SYTL5: variants seen among roughly 807,000 people sequenced by gnomAD.
SYTL5 encodes the protein synaptotagmin-like protein 5.
In SYTL5, 34 loss-of-function variants were observed where a neutral mutation model predicts 55.9. The observed-to-expected ratio is 0.61, with a 90% CI of 0.46 to 0.81. SYTL5 has a LOEUF of 0.81. SYTL5 is among the 30% of genes least tolerant of loss of function. The pLI, the probability that SYTL5 is intolerant of heterozygous loss-of-function variation, is 0.00. For missense variants in SYTL5, 637 were observed against 546.7 expected (o/e 1.17, Z -1.65); for synonymous variants, 221 against 188.7 (o/e 1.17, Z -1.40).
intron 2 of SYTL5, among the ~76,000 whole-genome samples, chrX:38,043,702 T>TATATATATATATATATAC (rs1336463479): frequency 1.1e-5 from 1 of 89,716 alleles, no homozygotes; most frequent in Non-Finnish European, 2.2e-5. Context: ...CATATATATA[T>TATATATATATATATATAC]ACATATTTTC....
chrX:38,101,922 T>C (rs1397778696), intron 9 of SYTL5, among the ~76,000 whole-genome samples: 1 of 109,705 alleles, frequency 9.1e-6, no homozygotes, highest in Non-Finnish European at 1.9e-5. Flanking sequence ...ATCTAGTTCA[T>C]CCTAGTGGAG....
At position 38,076,760 on chromosome X, in the gene SYTL5, A is replaced by C. The variant is rs1936399836; in HGVS notation, c.689+59A>C. On this transcript the variant is annotated intron_variant, in intron 6 of 16. Coordinates refer to ENST00000297875, the MANE Select transcript of SYTL5 (RefSeq NM_138780.3). ...CTGAGGTTAAGGTTGATATATTCCC[A>C]TTCATAGGGGGATTTTAGGTATCTG... 9 of 1,105,132 alleles carry C rather than the reference A, an allele frequency of 8.1e-6. No individual in the cohort carries two copies. The South Asian group carries it at 1.8e-4, about 22-fold the overall frequency. The allele number at this position is 1,105,132 out of a possible 1,213,427, so 91.1% of individuals were successfully genotyped here.
chrX:37,974,276 C>A, the SYTL5 span, among the ~76,000 whole-genome samples: 1 of 112,237 alleles, frequency 8.9e-6, no homozygotes, highest in Non-Finnish European at 1.9e-5. Context: ...AGTGCTGATA[C>A]GTACTGCAAC....
rs989133959 is a variant in SYTL5, at chrX:38,112,704, T to C, written c.1596+2222T>C. ...CTATCATGCTCTATATGCTGCCTTG[T>C]GCTTCATTAGTGGCTCATCCCCAGG... is the stretch of plus-strand genomic sequence containing the variant. On this transcript the variant is annotated intron_variant, in intron 13 of 16. Transcript: ENST00000297875. Among the ~76,000 whole-genome samples the C allele has an allele frequency of 1.1e-4, 12 of 112,116 alleles. No individual in the cohort carries two copies. In the Admixed American group the frequency reaches 1.1e-3, roughly 11 times the overall value.
At chrX:38,020,652 G>A (rs1315939955) in intron 1 of SYTL5, among the ~76,000 whole-genome samples, 1 of 108,819 alleles carries the variant, frequency 9.2e-6, no homozygotes, top group Non-Finnish European at 1.9e-5. Flanking sequence ...AGTCTAGGAA[G>A]CCAGAGACCT....
At chrX:38,041,490 A>G (rs1935287373) in intron 2 of SYTL5, among the ~76,000 whole-genome samples, 1 of 112,053 alleles carries the variant, frequency 8.9e-6, no homozygotes, top group South Asian at 3.7e-4. Context: ...TAGAATTGCC[A>G]CAAAGCTTCT....
intron 3 of SYTL5, among the ~76,000 whole-genome samples, chrX:38,064,758 G>T (rs960457895): frequency 9.0e-6 from 1 of 110,689 alleles, no homozygotes; most frequent in African/African-American, 3.3e-5. Flanking sequence ...TTAAAATATA[G>T]TATATGTTAT....
the SYTL5 span, among the ~76,000 whole-genome samples, chrX:37,919,591 G>T: frequency 8.9e-6 from 1 of 111,814 alleles, no homozygotes; most frequent in East Asian, 2.8e-4. Flanking sequence ...AGCTAGAATG[G>T]TTGTCTGCAG....
chrX:37,896,976 G>A, the SYTL5 span, among the ~76,000 whole-genome samples: 8,336 of 111,289 alleles, frequency 0.075, 803 homozygotes, highest in African/African-American at 0.26. Context: ...TAGAGGAGGG[G>A]CTGTTGAAAT....
At chrX:37,991,072 T>C in the SYTL5 span, 1 of 1,210,874 alleles carries the variant, frequency 8.3e-7, no homozygotes, top group Non-Finnish European at 1.1e-6. Context: ...AATGGCAGTA[T>C]GCGCAACACT....
chrX:37,954,647 T>G, the SYTL5 span, among the ~76,000 whole-genome samples: 2 of 112,231 alleles, frequency 1.8e-5, no homozygotes, highest in East Asian at 5.6e-4. Context: ...TCTTGGACCA[T>G]GCTGGAGTAA....
At chrX:38,067,005 G>A (rs185703078) in intron 3 of SYTL5, among the ~76,000 whole-genome samples, 40 of 111,803 alleles carry the variant, frequency 3.6e-4, no homozygotes, top group African/African-American at 1.2e-3. Context: ...CACTCACTAA[G>A]TATTAGTTTC....
chrX:37,888,953 T>A, the SYTL5 span, among the ~76,000 whole-genome samples: 14 of 108,027 alleles, frequency 1.3e-4, no homozygotes, highest in African/African-American at 4.8e-4. Context: ...AAAAAAGATA[T>A]GACTTGGGAA....
At position 38,106,577 on chromosome X, in the gene SYTL5, A is replaced by T. The variant is rs185153653; in HGVS notation, c.1156-16A>T. The T allele has an allele frequency of 5.2e-6, 6 of 1,156,495 alleles. No homozygotes were observed. In the Admixed American group the frequency reaches 8.2e-5, roughly 16 times the overall value. ...AGAATGACACTAGAAGCCTTTTTCCATCTTGTTTATTCCAGACCAGCCTTA... is the reference window on the plus strand; with the variant it reads ...AGAATGACACTAGAAGCCTTTTTCCTTCTTGTTTATTCCAGACCAGCCTTA... On this transcript the variant is annotated splice_polypyrimidine_tract_variant and intron_variant, in intron 10 of 16. Transcript: ENST00000297875.
At chrX:37,922,807 A>G in the SYTL5 span, among the ~76,000 whole-genome samples, 1 of 111,312 alleles carries the variant, frequency 9.0e-6, no homozygotes, top group South Asian at 3.8e-4. Context: ...CGTGTGTCAC[A>G]AGCTTAACGT....
At chrX:37,904,067 A>T in the SYTL5 span, among the ~76,000 whole-genome samples, 1 of 111,194 alleles carries the variant, frequency 9.0e-6, no homozygotes, top group African/African-American at 3.3e-5. Flanking sequence ...GTGCACAGTA[A>T]ATGTGAGTTG....
At chrX:37,988,262 G>T in the SYTL5 span, among the ~76,000 whole-genome samples, 4 of 111,772 alleles carry the variant, frequency 3.6e-5, no homozygotes, top group African/African-American at 6.5e-5. Context: ...AGCTCTAGGA[G>T]CTGGGAAAGT....
intron 3 of SYTL5, among the ~76,000 whole-genome samples, chrX:38,063,836 A>G (rs752346879): frequency 8.0e-5 from 9 of 111,856 alleles, no homozygotes; most frequent in Non-Finnish European, 1.1e-4. Context: ...AATTTTACCA[A>G]AAAATGCTGC....
chrX:37,898,826 C>T, the SYTL5 span, among the ~76,000 whole-genome samples: 3 of 111,980 alleles, frequency 2.7e-5, no homozygotes, highest in Admixed American at 9.5e-5. Context: ...AATAATTACT[C>T]TGATTATTTC....
Sources: gnomAD v4.1 joint callset for allele counts (sites outside exome capture counted in the v4.1 genomes callset) on GRCh38, gnomAD v4.1.1 for gene constraint, MANE v1.5 for transcripts, NCBI Gene and HGNC (gene_info 2026-07-23, HGNC 2026-07-21) for gene names.